CASK: variants seen among roughly 807,000 people sequenced by gnomAD.
The protein encoded by CASK is calcium/calmodulin dependent serine protein kinase.
In CASK, 4 loss-of-function variants were observed where a neutral mutation model predicts 82.9. That is an observed-to-expected ratio of 0.05 (90% CI 0.02 to 0.11). CASK has a LOEUF of 0.11. Among genes scored for constraint, CASK ranks in the 10% least tolerant of loss-of-function variants. CASK has a pLI of 1.00. For synonymous variants in CASK, 259 were observed against 253.5 expected (o/e 1.02, Z -0.20); for missense variants, 358 against 720.9 (o/e 0.50, Z 5.76).
At chrX:41,690,720 C>T (rs1333827963) in intron 5 of CASK, among the ~76,000 whole-genome samples, 2 of 105,706 alleles carry the variant, frequency 1.9e-5, no homozygotes, top group African/African-American at 3.5e-5. Context: ...GTCACCCAGG[C>T]TGGAGTACAG....
chrX:41,532,518 T>C (rs1210916645), intron 24 of CASK, among the ~76,000 whole-genome samples: 2 of 111,897 alleles, frequency 1.8e-5, no homozygotes, highest in African/African-American at 6.5e-5. Flanking sequence ...GAAATGTTTT[T>C]CTAGATGAGC....
chrX:41,921,622 T>C (rs993670023), intron 1 of CASK, among the ~76,000 whole-genome samples: 2 of 111,022 alleles, frequency 1.8e-5, no homozygotes, highest in African/African-American at 6.6e-5. Context: ...CATGTAACAA[T>C]AGGGCAAGGA....
At chrX:41,719,519 C>T (rs904904209) in intron 5 of CASK, among the ~76,000 whole-genome samples, 27 of 112,061 alleles carry the variant, frequency 2.4e-4, no homozygotes, top group African/African-American at 5.5e-4. Context: ...GCTTGTTCCC[C>T]GGTACCATAA....
chrX:41,829,734 T>TATATATATATATAC (rs2070754498), intron 2 of CASK, among the ~76,000 whole-genome samples: 1 of 29,675 alleles, frequency 3.4e-5, no homozygotes, highest in Non-Finnish European at 6.4e-5. Flanking sequence ...TATATATATA[T>TATATATATATATAC]ATATATATAT....
chrX:41,815,445 C>G (rs969861268), intron 2 of CASK, among the ~76,000 whole-genome samples: 2 of 110,478 alleles, frequency 1.8e-5, no homozygotes, highest in Non-Finnish European at 3.8e-5. Context: ...TGAATATGCT[C>G]AAAGATTTAA....
At chrX:41,523,672 C>T (rs1180634119) in intron 26 of CASK, among the ~76,000 whole-genome samples, 1 of 112,181 alleles carries the variant, frequency 8.9e-6, no homozygotes, top group Non-Finnish European at 1.9e-5. Flanking sequence ...AGGTTCCACT[C>T]CAGGGGCCAC....
intron 1 of CASK, among the ~76,000 whole-genome samples, chrX:41,922,584 T>C (rs887562269): frequency 2.7e-5 from 3 of 112,326 alleles, no homozygotes; most frequent in Non-Finnish European, 5.6e-5. Context: ...GTTTCAAAAA[T>C]GGTCTATGGT....
At chrX:41,617,497 TTGGC>T (rs2147306218) in intron 11 of CASK, among the ~76,000 whole-genome samples, 1 of 112,621 alleles carries the variant, frequency 8.9e-6, no homozygotes, top group South Asian at 3.7e-4. Flanking sequence ...ATACATATTT[TTGGC>T]TTAACCTCAA....
chrX:41,568,042 G>T (rs1226815886), intron 16 of CASK, among the ~76,000 whole-genome samples: 1 of 89,400 alleles, frequency 1.1e-5, no homozygotes. Flanking sequence ...TGAACAATGA[G>T]ATCACTTGGA....
At chrX:41,839,454 C>A (rs2070991010) in intron 2 of CASK, among the ~76,000 whole-genome samples, 1 of 110,346 alleles carries the variant, frequency 9.1e-6, no homozygotes, top group African/African-American at 3.3e-5. Flanking sequence ...GTGTTCTTTG[C>A]GAGTATAGAG....
chrX:41,794,896 C>T (rs1285233591), intron 2 of CASK, among the ~76,000 whole-genome samples: 1 of 112,289 alleles, frequency 8.9e-6, no homozygotes, highest in African/African-American at 3.2e-5. Flanking sequence ...AGCTGAGGAG[C>T]TCAACAAGGA....
chrX:41,720,682 A>G (rs2068148373), intron 5 of CASK, among the ~76,000 whole-genome samples: 1 of 111,050 alleles, frequency 9.0e-6, no homozygotes, highest in South Asian at 3.8e-4. Context: ...AGGAATGACT[A>G]AGCTGTCCTG....
intron 1 of CASK, among the ~76,000 whole-genome samples, chrX:41,897,146 C>T (rs2072283908): frequency 9.0e-6 from 1 of 111,368 alleles, no homozygotes; most frequent in Non-Finnish European, 1.9e-5. Context: ...CATATTATCC[C>T]GACTATAAGT....
At chrX:41,535,870 A>G (rs1328270182) in intron 22 of CASK, among the ~76,000 whole-genome samples, 2 of 112,215 alleles carry the variant, frequency 1.8e-5, no homozygotes, top group Non-Finnish European at 3.8e-5. Context: ...GCAGATGCCC[A>G]TTCCTGTTGA....
At chrX:41,536,367 C>T (rs756438917) in intron 22 of CASK, among the ~76,000 whole-genome samples, 13 of 111,054 alleles carry the variant, frequency 1.2e-4, no homozygotes, top group African/African-American at 1.6e-4. Flanking sequence ...CTTGGCCTCC[C>T]GAAGTGTTGG....
Position 41,819,838 on chromosome X carries a change from C to A in CASK, c.173-32555G>T, listed in dbSNP as rs534271916. 2.2e-4 allele frequency among the ~76,000 whole-genome samples: 25 copies of A among 111,635 alleles called. No individual in the cohort carries two copies. In the South Asian group the frequency reaches 8.8e-3, roughly 39 times the overall value. ...AATAAAGGAGAACTATACAAAAACT[C>A]AACTCAGAAAAAAAGCATTCTAAGA... On this transcript the variant is annotated intron_variant, in intron 2 of 26. Transcript: ENST00000378163.
chrX:41,531,350 C>G lies in CASK; in HGVS notation c.2318-141G>C, dbSNP rs138663694. 5.6e-6 allele frequency: 3 copies of G among 536,900 alleles called. No individual in the cohort carries two copies. The African/African-American group carries it at 6.9e-5, about 12-fold the overall frequency. The allele number at this position is 536,900 out of a possible 1,213,427, so 44.2% of individuals were successfully genotyped here. A position where few individuals can be genotyped will look rare whatever the true frequency, so the allele number is the denominator to read the frequency against. Reference sequence around the variant, plus strand: ...TATCTCATATCCCCTGTTCTCACCCCCAGTGGCTTTGCAGAACTAAATTCT... The same window carrying G: ...TATCTCATATCCCCTGTTCTCACCCGCAGTGGCTTTGCAGAACTAAATTCT... On this transcript the variant is annotated intron_variant, in intron 24 of 26. Coordinates refer to ENST00000378163, the MANE Select transcript of CASK (RefSeq NM_001367721.1).
At chrX:41,792,911 A>T (rs1391765801) in intron 2 of CASK, among the ~76,000 whole-genome samples, 1 of 111,716 alleles carries the variant, frequency 9.0e-6, no homozygotes, top group Non-Finnish European at 1.9e-5. Context: ...CCAAATTGGA[A>T]TGGTGCCACT....
At chrX:41,696,136 CCAAA>C (rs1288503892) in intron 5 of CASK, 1 of 1,207,458 alleles carries the variant, frequency 8.3e-7, no homozygotes. Flanking sequence ...GCAATAACAA[CCAAA>C]CAAAGTATTT....
Sources: allele counts gnomAD v4.1 joint callset (sites outside exome capture counted in the v4.1 genomes callset), GRCh38; gene constraint gnomAD v4.1.1; transcripts MANE v1.5; gene names NCBI Gene and HGNC (gene_info 2026-07-23, HGNC 2026-07-21).